Variants in NCKAP5 observed in about 807,000 individuals in gnomAD.
NCKAP5 encodes the protein nck-associated protein 5.
In NCKAP5, 92 loss-of-function variants were observed where a neutral mutation model predicts 167.0. That is an observed-to-expected ratio of 0.55 (90% CI 0.47 to 0.66). The LOEUF is 0.66. NCKAP5 is among the 30% of genes least tolerant of loss of function. NCKAP5 has a pLI of 0.00. For missense variants in NCKAP5, 2,378 were observed against 2,315.0 expected (o/e 1.03, Z -0.56); for synonymous variants, 891 against 877.4 (o/e 1.02, Z -0.27).
chr2:133,106,387 T>A (rs913510723), intron 6 of NCKAP5, among the ~76,000 whole-genome samples: 1 of 151,532 alleles, frequency 6.6e-6, no homozygotes, highest in East Asian at 1.9e-4. Flanking sequence ...TACGTTTTAG[T>A]GGGAATGGAG....
At chr2:133,301,396 T>G (rs1680383470) in intron 4 of NCKAP5, among the ~76,000 whole-genome samples, 1 of 78,476 alleles carries the variant, frequency 1.3e-5, no homozygotes, top group Non-Finnish European at 2.4e-5. Context: ...AAGGCTACAG[T>G]AACCAAAACA....
At chr2:132,901,789 T>C (rs1452458724) in intron 8 of NCKAP5, among the ~76,000 whole-genome samples, 1 of 152,246 alleles carries the variant, frequency 6.6e-6, no homozygotes, top group Non-Finnish European at 1.5e-5. Flanking sequence ...TGTTGCACTG[T>C]GCATTAATTG....
intron 1 of NCKAP5, among the ~76,000 whole-genome samples, chr2:133,563,210 C>T (rs1318460567): frequency 1.3e-5 from 2 of 152,168 alleles, no homozygotes; most frequent in African/African-American, 2.4e-5. Flanking sequence ...ACTAGGCCTA[C>T]CAAAACCCAC....
At chr2:133,174,777 C>G (rs995960681) in intron 5 of NCKAP5, among the ~76,000 whole-genome samples, 3 of 150,960 alleles carry the variant, frequency 2.0e-5, no homozygotes, top group Non-Finnish European at 4.4e-5. Context: ...TCATTTTACT[C>G]TACAAGAATG....
intron 6 of NCKAP5, among the ~76,000 whole-genome samples, chr2:133,097,572 G>A (rs2081381402): frequency 6.6e-6 from 1 of 152,164 alleles, no homozygotes; most frequent in Non-Finnish European, 1.5e-5. Flanking sequence ...CTTTACTCGG[G>A]ATTCAATAAG....
At chr2:133,611,529 A>G in the NCKAP5 span, among the ~76,000 whole-genome samples, 1 of 152,228 alleles carries the variant, frequency 6.6e-6, no homozygotes, top group East Asian at 1.9e-4. Context: ...GAGACAAAGC[A>G]TACTCCTCTC....
At chr2:133,079,394 A>G (rs957826165) in intron 6 of NCKAP5, among the ~76,000 whole-genome samples, 6 of 152,194 alleles carry the variant, frequency 3.9e-5, no homozygotes, top group African/African-American at 1.2e-4. Context: ...TATGCAATAT[A>G]CTGGTTGATG....
intron 6 of NCKAP5, chr2:133,123,333 T>A (rs2278455): frequency 0.15 from 22,696 of 152,648 alleles, 1,978 homozygotes; most frequent in East Asian, 0.37. Flanking sequence ...TTCCTTTGCA[T>A]TGCTTAAGGG....
chr2:132,963,823 T>G lies in NCKAP5; in HGVS notation c.476A>C (p.Asp159Ala). Reference protein sequence around the residue: ...EERKHKEALEDLHMVVDEDSR... With the variant: ...EERKHKEALEALHMVVDEDSR... ...ATCCTCATCAACCACCATGTGAAGA[T>G]CTTCCAAAGCTTCCTTATGTTTTCT... Residue 159 changes from aspartate to alanine, a missense_variant, in exon 8 of 20, where the codon GAT (aspartate) becomes GCT (alanine). Asp to Ala is a moderately radical substitution (Grantham distance 126). This residue lies in a region of NCKAP5 where 1,049 missense variants were observed against 1,023.4 expected (regional missense o/e 1.02). Coordinates refer to ENST00000409261, the MANE Select transcript of NCKAP5 (RefSeq NM_207363.3). 6.2e-7 allele frequency: 1 copy of G among 1,613,966 alleles called. No individual in the cohort carries two copies. The highest frequency in any genetic ancestry group is 8.5e-7 in the Non-Finnish European group (1 of 1,179,874).
At chr2:132,945,275 T>C (rs1049077485) in intron 8 of NCKAP5, among the ~76,000 whole-genome samples, 3 of 133,108 alleles carry the variant, frequency 2.3e-5, no homozygotes, top group Non-Finnish European at 4.8e-5. Context: ...TCCCACCTGC[T>C]AAGGTGAGGC....
Position 133,088,293 on chromosome 2 carries a change from C to A in NCKAP5, c.341+41685G>T, listed in dbSNP as rs111720652. Among the ~76,000 whole-genome samples, 134 of 152,206 alleles carry A rather than the reference C, an allele frequency of 8.8e-4. 1 individual carries two copies. Among genetic ancestry groups the A allele is most frequent in the Middle Eastern group, 3.4e-3 (1 of 294 alleles). ...ACCTCATTCACATTTTTGCAGAAGCCCCTTGAATATTTCTATGGCCTCCAG... is the reference window on the plus strand; with the variant it reads ...ACCTCATTCACATTTTTGCAGAAGCACCTTGAATATTTCTATGGCCTCCAG... On this transcript the variant is annotated intron_variant, in intron 6 of 19. Coordinates refer to ENST00000409261, the MANE Select transcript of NCKAP5 (RefSeq NM_207363.3).
At chr2:133,257,485 AC>A (rs2088676500) in intron 4 of NCKAP5, among the ~76,000 whole-genome samples, 1 of 145,130 alleles carries the variant, frequency 6.9e-6, no homozygotes, top group African/African-American at 2.9e-5. Context: ...AAACTAAGAC[AC>A]TTACGATAAC....
chr2:132,729,535 A>G (rs568126856), intron 17 of NCKAP5, among the ~76,000 whole-genome samples: 2 of 152,188 alleles, frequency 1.3e-5, no homozygotes, highest in East Asian at 1.9e-4. Flanking sequence ...GGATCAGCTG[A>G]GCTTTTGTTC....
the NCKAP5 span, among the ~76,000 whole-genome samples, chr2:133,583,552 C>T: frequency 3.9e-5 from 6 of 152,132 alleles, no homozygotes; most frequent in East Asian, 1.9e-4. Context: ...TCCTTTATAG[C>T]GATGCAAGCC....
chr2:132,798,956 T>C (rs938421926), intron 11 of NCKAP5, among the ~76,000 whole-genome samples: 15 of 152,286 alleles, frequency 9.8e-5, no homozygotes, highest in African/African-American at 3.4e-4. Flanking sequence ...AGCACACACA[T>C]GTTCATTGCC....
intron 8 of NCKAP5, among the ~76,000 whole-genome samples, chr2:132,920,698 TATAC>T (rs1228068370): frequency 2.4e-5 from 3 of 124,824 alleles, no homozygotes; most frequent in African/African-American, 1.0e-4. Context: ...TATATATATA[TATAC>T]GTATATGTAT....
At chr2:133,373,745 C>A (rs1685957528) in intron 3 of NCKAP5, among the ~76,000 whole-genome samples, 1 of 152,128 alleles carries the variant, frequency 6.6e-6, no homozygotes, top group African/African-American at 2.4e-5. Context: ...ATAGAAAGCA[C>A]AGAAACAGCA....
intron 3 of NCKAP5, among the ~76,000 whole-genome samples, chr2:133,309,153 C>G (rs1361154570): frequency 6.6e-6 from 1 of 152,062 alleles, no homozygotes; most frequent in Non-Finnish European, 1.5e-5. Context: ...AAAGTAATAT[C>G]CTACAGTAAA....
intron 5 of NCKAP5, among the ~76,000 whole-genome samples, chr2:133,171,329 G>A (rs1438063335): frequency 6.6e-6 from 1 of 152,130 alleles, no homozygotes; most frequent in Non-Finnish European, 1.5e-5. Context: ...GAGTAGAAAC[G>A]TGGTCTTCAG....
Sources: allele counts gnomAD v4.1 joint callset (sites outside exome capture counted in the v4.1 genomes callset), GRCh38; gene constraint gnomAD v4.1.1; regional missense constraint gnomAD v4.1.1; transcripts MANE v1.5; gene names NCBI Gene and HGNC (gene_info 2026-07-23, HGNC 2026-07-21).